ITIH3: variants seen among roughly 807,000 people sequenced by gnomAD.
The protein encoded by ITIH3 is inter-alpha-trypsin inhibitor heavy chain 3.
A neutral mutation model predicts 96.5 loss-of-function variants in ITIH3; 81 were observed. The ratio of observed to expected loss-of-function variants is 0.84; its 90% CI spans 0.70 to 1.01. The LOEUF (loss-of-function observed/expected upper bound fraction) is 1.01. Ranked by LOEUF, ITIH3 falls within the 50% of genes least tolerant of loss-of-function variation. ITIH3 has a pLI of 0.00. For synonymous variants in ITIH3, 422 were observed against 445.2 expected (o/e 0.95, Z 0.66); for missense variants, 1,057 against 1,139.3 (o/e 0.93, Z 1.04).
chr3:52,796,444 T>A (rs1699583229), intron 2 of ITIH3, 37 bp from the exon 3 acceptor site: 3 of 1,596,102 alleles, frequency 1.9e-6, no homozygotes, highest in Non-Finnish European at 2.6e-6. Flanking sequence ...TTCTCCAGTG[T>A]CCCAGTCTGG....
Position 52,801,049 on chromosome 3 carries a change from A to T in ITIH3, c.1286A>T (p.Asn429Ile). The T allele has an allele frequency of 6.2e-7, 1 of 1,613,808 alleles. No homozygotes were observed. Among genetic ancestry groups the T allele is most frequent in the Non-Finnish European group, 8.5e-7 (1 of 1,179,788 alleles). ...CCCTTGTATAACCTGGGCTTTGGCA[A>T]CAATCTGAATTATAACTTCCTGGAG... ...KFPLYNLGFG[N>I]NLNYNFLENM... Residue 429 changes from asparagine to isoleucine, a missense_variant, in exon 11 of 22, where the codon AAC becomes ATC. By Grantham distance (149) the Asn-to-Ile change is moderately radical (BLOSUM62 -3). Transcript: ENST00000449956.
chr3:52,798,282 C>G (rs1327819153), intron 6 of ITIH3, among the ~76,000 whole-genome samples: 1 of 152,226 alleles, frequency 6.6e-6, no homozygotes, highest in East Asian at 1.9e-4. Flanking sequence ...AGGTGAAAGA[C>G]TAAAGAGAAC....
At chr3:52,808,348 C>G in intron 21 of ITIH3, 127 bp downstream of exon 21, 1 of 1,049,232 alleles carries the variant, frequency 9.5e-7, no homozygotes. Context: ...CCTTTGAGGT[C>G]TTGGCCCCTC....
intron 7 of ITIH3, 55 bp downstream of exon 7, chr3:52,799,146 G>A: frequency 6.3e-7 from 1 of 1,593,114 alleles, no homozygotes; most frequent in Middle Eastern, 1.8e-4. Flanking sequence ...GTCGGGCGGG[G>A]GCTGCAGCTG....
intron 12 of ITIH3, 59 bp from the exon 13 acceptor site, chr3:52,802,608 C>T (rs964853889): frequency 3.7e-5 from 60 of 1,611,074 alleles, no homozygotes; most frequent in Non-Finnish European, 5.0e-5. Flanking sequence ...GGAGTGGTGG[C>T]CCCTGAACCT....
chr3:52,804,766 T>C (rs1191027025), intron 15 of ITIH3, 32 bp downstream of exon 15: 3 of 1,583,484 alleles, frequency 1.9e-6, no homozygotes, highest in Non-Finnish European at 2.6e-6. Context: ...GGGTTGGGCA[T>C]TATGGAAGGG....
chr3:52,796,417 C>A, intron 2 of ITIH3, 64 bp from the exon 3 acceptor site: 1 of 1,476,842 alleles, frequency 6.8e-7, no homozygotes, highest in Middle Eastern at 2.4e-4. Flanking sequence ...AGGGAGGTGG[C>A]TGGGTTGCAA....
At chr3:52,804,639 GGCC>G in intron 14 of ITIH3, 84 bp from the exon 15 acceptor site, 1 of 1,464,756 alleles carries the variant, frequency 6.8e-7, no homozygotes, top group Non-Finnish European at 9.4e-7. Flanking sequence ...AGGGCTGGTC[GGCC>G]AAGCAGCCAG....
intron 6 of ITIH3, chr3:52,798,672 G>A: frequency 2.4e-6 from 1 of 417,976 alleles, no homozygotes; most frequent in Non-Finnish European, 4.4e-6. Context: ...AAAGGGAGCT[G>A]GAAGCTGAAT....
chr3:52,799,184 A>G, intron 7 of ITIH3, 93 bp downstream of exon 7: 1 of 1,482,678 alleles, frequency 6.7e-7, no homozygotes, highest in African/African-American at 1.4e-5. Flanking sequence ...CTGGGTCCTC[A>G]GCCCAAGGCT....
At chr3:52,797,067 C>A in intron 4 of ITIH3, 38 bp from the exon 5 acceptor site, 1 of 1,592,174 alleles carries the variant, frequency 6.3e-7, no homozygotes, top group Non-Finnish European at 8.6e-7. Flanking sequence ...TGGGCTCCTG[C>A]AGTCTTTGAG....
At position 52,806,901 on chromosome 3, in the gene ITIH3, G is replaced by C; in HGVS notation, c.2057G>C (p.Gly686Ala). 1 of 1,578,770 alleles carries C rather than the reference G, an allele frequency of 6.3e-7. No individual in the cohort carries two copies. ...TCTCCCTGCCCCATCCCTCTGGCAG[G>C]CCTCACAGTTAATGGGCAGATCACT... ...VLRLIQDAVT[G>A]LTVNGQITGD... The change falls in exon 19 of 22, where the codon GGC becomes GCC. Residue 686 changes from glycine (G) to alanine (A), a missense_variant and splice_region_variant. Gly to Ala is a moderately conservative substitution (Grantham distance 60, BLOSUM62 0). Transcript: ENST00000449956.
intron 1 of ITIH3, 38 bp from the exon 2 acceptor site, chr3:52,795,565 C>A: frequency 6.3e-7 from 1 of 1,599,970 alleles, no homozygotes; most frequent in Non-Finnish European, 8.5e-7. Flanking sequence ...TTGGCCTTGG[C>A]CTGATTCCTG....
rs373768824 is a variant in ITIH3, at chr3:52,800,677, G to C, written c.1201+14G>C. 1 of 1,597,202 alleles carries C rather than the reference G, an allele frequency of 6.3e-7. No individual in the cohort carries two copies. The highest frequency in any genetic ancestry group is 8.5e-7 in the Non-Finnish European group (1 of 1,171,986). On this transcript the variant is annotated intron_variant, in intron 10 of 21. Coordinates refer to ENST00000449956, the MANE Select transcript of ITIH3 (RefSeq NM_002217.4). The stretch of plus-strand genomic sequence containing the variant: ...ATGCCAATGTTGGTGAGGAGCACGG[G>C]CATGGTTTTGAGCTAGGGCTGGAGT...
At chr3:52,804,834 G>A (rs1335098900) in intron 15 of ITIH3, 100 bp downstream of exon 15, 3 of 1,340,272 alleles carry the variant, frequency 2.2e-6, no homozygotes, top group Non-Finnish European at 3.1e-6. Flanking sequence ...AGCCATGGGG[G>A]CACACTTGGG....
intron 19 of ITIH3, 119 bp from the exon 20 acceptor site, chr3:52,807,628 G>A (rs1275837853): frequency 1.2e-6 from 1 of 864,948 alleles, no homozygotes; most frequent in Non-Finnish European, 1.8e-6. Context: ...GATAGTTTCT[G>A]GAGTCTGTGG....
At chr3:52,803,465 T>C (rs1036763250) in intron 13 of ITIH3, among the ~76,000 whole-genome samples, 6 of 151,162 alleles carry the variant, frequency 4.0e-5, no homozygotes, top group Non-Finnish European at 7.4e-5. Context: ...ATTACAGGCA[T>C]GCACCACCAT....
intron 9 of ITIH3, chr3:52,800,276 A>G (rs760256573): frequency 3.6e-6 from 2 of 555,208 alleles, no homozygotes; most frequent in Non-Finnish European, 6.4e-6. Context: ...AGTCCATCCA[A>G]CTCTGCCAAA....
At chr3:52,801,619 A>G (rs1699833079) in intron 11 of ITIH3, among the ~76,000 whole-genome samples, 1 of 152,052 alleles carries the variant, frequency 6.6e-6, no homozygotes, top group Non-Finnish European at 1.5e-5. Flanking sequence ...TGGCTTATCA[A>G]TGGCTGTCTT....
Sources: allele counts gnomAD v4.1 joint callset (sites outside exome capture counted in the v4.1 genomes callset), GRCh38; gene constraint gnomAD v4.1.1; transcripts MANE v1.5; gene names NCBI Gene and HGNC (gene_info 2026-07-23, HGNC 2026-07-21).